Variants in EXOC6B observed in about 807,000 individuals in gnomAD.
The protein encoded by EXOC6B is exocyst complex component 6B, also known as SEC15 homolog B.
In EXOC6B, 54 loss-of-function variants were observed where a neutral mutation model predicts 113.5. That is an observed-to-expected ratio of 0.48 (90% CI 0.38 to 0.60). The LOEUF (loss-of-function observed/expected upper bound fraction) is 0.60. EXOC6B is among the 20% of genes least tolerant of loss of function. The pLI is 0.00. For missense variants in EXOC6B, 797 were observed against 977.5 expected (o/e 0.82, Z 2.46); for synonymous variants, 357 against 339.0 (o/e 1.05, Z -0.58).
intron 6 of EXOC6B, among the ~76,000 whole-genome samples, chr2:72,704,577 C>T (rs1678702473): frequency 1.3e-5 from 2 of 151,932 alleles, no homozygotes; most frequent in South Asian, 2.1e-4. Context: ...TGATAGACCG[C>T]TAGCAAGACT....
At chr2:72,745,454 T>A (rs1034591551) in intron 1 of EXOC6B, among the ~76,000 whole-genome samples, 3 of 150,434 alleles carry the variant, frequency 2.0e-5, no homozygotes, top group Non-Finnish European at 4.4e-5. Flanking sequence ...TTTTGAGAAT[T>A]AAAAAAAAAG....
chr2:72,658,286 T>A (rs1165914330), intron 6 of EXOC6B, among the ~76,000 whole-genome samples: 14 of 58,724 alleles, frequency 2.4e-4, no homozygotes, highest in Non-Finnish European at 3.1e-4. Context: ...TAAAAACTAG[T>A]AAAAAAAAAA....
intron 18 of EXOC6B, among the ~76,000 whole-genome samples, chr2:72,410,052 T>C (rs980014730): frequency 6.6e-6 from 1 of 152,156 alleles, no homozygotes; most frequent in Non-Finnish European, 1.5e-5. Flanking sequence ...TAAGTTGCCT[T>C]TATCTTGATT....
chr2:72,250,935 C>A (rs1256733088), intron 20 of EXOC6B, among the ~76,000 whole-genome samples: 1 of 151,962 alleles, frequency 6.6e-6, no homozygotes, highest in Non-Finnish European at 1.5e-5. Flanking sequence ...GCAGCCTCTG[C>A]CTCCTGACCC....
At chr2:72,451,759 G>A (rs1467470754) in intron 18 of EXOC6B, among the ~76,000 whole-genome samples, 1 of 151,656 alleles carries the variant, frequency 6.6e-6, no homozygotes, top group African/African-American at 2.4e-5. Context: ...TCACCAAGGA[G>A]CTAAAGACCA....
chr2:72,795,296 C>T (rs1261281355), intron 1 of EXOC6B, among the ~76,000 whole-genome samples: 4 of 152,182 alleles, frequency 2.6e-5, no homozygotes, highest in African/African-American at 9.7e-5. Flanking sequence ...CATTTCATCA[C>T]ATTTGGATTC....
intron 18 of EXOC6B, among the ~76,000 whole-genome samples, chr2:72,409,538 TA>T (rs1355017055): frequency 3.3e-5 from 5 of 152,094 alleles, no homozygotes; most frequent in African/African-American, 9.7e-5. Context: ...TATGCAGCCA[TA>T]AAAAATGATG....
chr2:72,562,171 C>T (rs1474389727), intron 7 of EXOC6B, among the ~76,000 whole-genome samples: 1 of 152,036 alleles, frequency 6.6e-6, no homozygotes, highest in African/African-American at 2.4e-5. Context: ...GTTTTCTCTG[C>T]TGCCACTAAT....
At chr2:72,397,939 C>T (rs1300552150) in intron 18 of EXOC6B, among the ~76,000 whole-genome samples, 1 of 152,080 alleles carries the variant, frequency 6.6e-6, no homozygotes, top group African/African-American at 2.4e-5. Context: ...AAGATACTAG[C>T]ATGGGGCACA....
chr2:72,386,703 C>T (rs374628994), intron 18 of EXOC6B, among the ~76,000 whole-genome samples: 2 of 152,152 alleles, frequency 1.3e-5, no homozygotes, highest in South Asian at 2.1e-4. Flanking sequence ...GGGATTCATG[C>T]TAAATGAACA....
intron 20 of EXOC6B, among the ~76,000 whole-genome samples, chr2:72,277,732 G>A (rs895804437): frequency 1.7e-4 from 26 of 152,020 alleles, no homozygotes; most frequent in African/African-American, 6.0e-4. Flanking sequence ...GACCTCAAGT[G>A]ATCCTACTGC....
At chr2:72,578,287 G>A (rs1704997513) in intron 6 of EXOC6B, among the ~76,000 whole-genome samples, 1 of 151,914 alleles carries the variant, frequency 6.6e-6, no homozygotes, top group South Asian at 2.1e-4. Flanking sequence ...GTGGGGAGAG[G>A]GATTTAAACA....
intron 19 of EXOC6B, among the ~76,000 whole-genome samples, chr2:72,369,268 C>T (rs1395174859): frequency 1.3e-5 from 2 of 152,124 alleles, no homozygotes; most frequent in Non-Finnish European, 2.9e-5. Context: ...ACAATTGCTT[C>T]AAACAGAATA....
chr2:72,229,513 C>A (rs1235333566), intron 20 of EXOC6B, among the ~76,000 whole-genome samples: 1 of 152,138 alleles, frequency 6.6e-6, no homozygotes, highest in Non-Finnish European at 1.5e-5. Context: ...TCTTTCCAGA[C>A]CTGAAAGAAG....
At chr2:72,336,241 C>T (rs968758568) in intron 19 of EXOC6B, among the ~76,000 whole-genome samples, 1 of 152,120 alleles carries the variant, frequency 6.6e-6, no homozygotes, top group African/African-American at 2.4e-5. Context: ...TCTTCTTTTG[C>T]AATCAATAAA....
intron 20 of EXOC6B, among the ~76,000 whole-genome samples, chr2:72,331,359 G>A (rs990029919): frequency 1.3e-5 from 2 of 152,064 alleles, no homozygotes; most frequent in Non-Finnish European, 1.5e-5. Context: ...TCTACTTAAT[G>A]TTTAACCATG....
chr2:72,445,866 T>A (rs1226762919), intron 18 of EXOC6B, among the ~76,000 whole-genome samples: 1 of 152,118 alleles, frequency 6.6e-6, no homozygotes, highest in African/African-American at 2.4e-5. Context: ...AAGACACACA[T>A]GTGGCCAACA....
chr2:72,214,771 A>G (rs1680412271), intron 20 of EXOC6B, among the ~76,000 whole-genome samples: 1 of 152,182 alleles, frequency 6.6e-6, no homozygotes, highest in African/African-American at 2.4e-5. Context: ...GATTAATTTG[A>G]TTTTATGAAC....
chr2:72,409,120 T>C (rs949455745), intron 18 of EXOC6B, among the ~76,000 whole-genome samples: 13 of 152,174 alleles, frequency 8.5e-5, no homozygotes, highest in Non-Finnish European at 2.9e-5. Context: ...GAAAAAATGC[T>C]TATCATCACT....
Sources: allele counts gnomAD v4.1 joint callset (sites outside exome capture counted in the v4.1 genomes callset), GRCh38; gene constraint gnomAD v4.1.1; transcripts MANE v1.5; gene names NCBI Gene and HGNC (gene_info 2026-07-23, HGNC 2026-07-21).